The following GSE1 variants were observed in gnomAD, a reference collection of about 807,000 sequenced individuals.
The protein encoded by GSE1 is Gse1 coiled-coil protein.
In GSE1, 32 loss-of-function variants were observed where a neutral mutation model predicts 112.6. That is an observed-to-expected ratio of 0.28 (90% CI 0.21 to 0.38). The LOEUF is 0.38. Ranked by LOEUF, GSE1 falls within the 10% of genes least tolerant of loss-of-function variation. The pLI is 1.00. For synonymous variants in GSE1, 1,115 were observed against 735.6 expected, an observed-to-expected ratio of 1.52 and a Z score of -8.35; for missense variants, 2,348 against 1,699.2, an observed-to-expected ratio of 1.38 and a Z score of -6.71.
chr16:85,504,774 T>A (rs79116218), intron 2 of GSE1, among the ~76,000 whole-genome samples: 182 of 152,268 alleles, frequency 1.2e-3, no homozygotes, highest in African/African-American at 4.2e-3. Flanking sequence ...CATCTGGGAA[T>A]TTTTAATATC....
At chr16:85,185,780 G>T (rs530996823) in intron 1 of GSE1, among the ~76,000 whole-genome samples, 109 of 152,386 alleles carry the variant, frequency 7.2e-4, no homozygotes, top group African/African-American at 2.5e-3. Context: ...TGCCTCAGGG[G>T]CTCCGTGCTG....
At chr16:85,345,667 T>A (rs1404511673) in intron 1 of GSE1, among the ~76,000 whole-genome samples, 3 of 152,196 alleles carry the variant, frequency 2.0e-5, no homozygotes, top group African/African-American at 7.2e-5. Flanking sequence ...CTGTTTGTCC[T>A]TATGGCACTT....
Position 85,340,912 on chromosome 16 carries a change from G to C in GSE1, c.2284-16551G>C, listed in dbSNP as rs549841335. Among the ~76,000 whole-genome samples the C allele has an allele frequency of 1.1e-3, 169 of 152,284 alleles. 1 individual carries two copies. The highest frequency in any genetic ancestry group is 3.6e-3 in the African/African-American group (150 of 41,556). On this transcript the variant is annotated intron_variant, in intron 1 of 2. Coordinates refer to the GSE1 transcript ENST00000637419. ...GTCTAGGAGGTTTTGCAGCCTCTCT[G>C]AGCCTCTGCACGAGTTTCCTCATCT...
At chr16:85,385,032 C>G (rs1033386352) in intron 2 of GSE1, among the ~76,000 whole-genome samples, 18 of 152,244 alleles carry the variant, frequency 1.2e-4, no homozygotes, top group African/African-American at 1.4e-4. Flanking sequence ...GAAACACTTC[C>G]CATCATAAAA....
intron 1 of GSE1, among the ~76,000 whole-genome samples, chr16:85,179,600 C>T (rs189850821): frequency 3.3e-5 from 5 of 152,264 alleles, no homozygotes; most frequent in South Asian, 2.1e-4. Flanking sequence ...AGGCAAATGA[C>T]GTGATAGGGC....
intron 2 of GSE1, among the ~76,000 whole-genome samples, chr16:85,478,297 C>T (rs1039050530): frequency 1.4e-4 from 21 of 152,022 alleles, no homozygotes; most frequent in Non-Finnish European, 4.4e-5. Context: ...GAGGCCGAGG[C>T]GGGCAGATCA....
At chr16:85,363,678 C>G (rs1463545215) in intron 2 of GSE1, among the ~76,000 whole-genome samples, 1 of 152,216 alleles carries the variant, frequency 6.6e-6, no homozygotes, top group African/African-American at 2.4e-5. Context: ...CTGATTTTCC[C>G]ATGCTGTGCC....
chr16:85,392,704 A>G (rs2047870513), intron 2 of GSE1, among the ~76,000 whole-genome samples: 1 of 152,260 alleles, frequency 6.6e-6, no homozygotes, highest in South Asian at 2.1e-4. Flanking sequence ...TCTGTATCAC[A>G]GATGAGGAAA....
intron 1 of GSE1, among the ~76,000 whole-genome samples, chr16:85,615,623 C>T (rs2048325264): frequency 2.0e-5 from 3 of 152,132 alleles, no homozygotes; most frequent in South Asian, 4.1e-4. Context: ...GTCGGGAAGT[C>T]CTAGTTCTAG....
At position 85,636,544 on chromosome 16, in the gene GSE1, C is replaced by A. The variant is rs148924159; in HGVS notation, c.226+2412C>A. Reference sequence around the variant, plus strand: ...TGGAGTCACCCGGACCCTGACCTCACGTTTCCCCGTCCATGGAACTGGCCG... The same window carrying A: ...TGGAGTCACCCGGACCCTGACCTCAAGTTTCCCCGTCCATGGAACTGGCCG... On this transcript the variant is annotated intron_variant, in intron 2 of 15. Transcript: ENST00000253458. 7.4e-3 allele frequency among the ~76,000 whole-genome samples: 1,120 copies of A among 152,330 alleles called. 13 individuals are homozygous for A. Among genetic ancestry groups the A allele is most frequent in the South Asian group, 0.028 (135 of 4,826 alleles).
At chr16:85,330,392 T>G (rs747411472) in intron 1 of GSE1, among the ~76,000 whole-genome samples, 12 of 152,154 alleles carry the variant, frequency 7.9e-5, no homozygotes, top group Non-Finnish European at 1.2e-4. Context: ...GGTAACAGTC[T>G]CCCCTGGAGC....
At chr16:85,613,139 C>T (rs928405736), upstream of GSE1, 3 of 1,259,278 alleles carry the variant, frequency 2.4e-6, no homozygotes, top group Non-Finnish European at 3.1e-6. Flanking sequence ...TGAAACCCGA[C>T]ACCTCCCGCT....
intron 2 of GSE1, among the ~76,000 whole-genome samples, chr16:85,384,192 G>A (rs182952468): frequency 4.4e-4 from 67 of 152,370 alleles, no homozygotes; most frequent in African/African-American, 1.5e-3. Context: ...ACGGACAGGT[G>A]ACTGCCCAGC....
intron 2 of GSE1, among the ~76,000 whole-genome samples, chr16:85,488,645 C>T (rs1268743772): frequency 6.6e-6 from 1 of 152,098 alleles, no homozygotes; most frequent in Admixed American, 6.5e-5. Context: ...GCCTCAGGAA[C>T]AGTCTTTCCG....
At chr16:85,320,206 G>T (rs1045010464) in intron 1 of GSE1, among the ~76,000 whole-genome samples, 1 of 152,228 alleles carries the variant, frequency 6.6e-6, no homozygotes, top group Non-Finnish European at 1.5e-5. Flanking sequence ...GTGGGCAGCC[G>T]TGGCCCCACC....
At chr16:85,474,904 C>A (rs186645010) in intron 2 of GSE1, among the ~76,000 whole-genome samples, 1 of 152,116 alleles carries the variant, frequency 6.6e-6, no homozygotes, top group Non-Finnish European at 1.5e-5. Flanking sequence ...GGACAGACCC[C>A]GTGGTACTGA....
intron 2 of GSE1, among the ~76,000 whole-genome samples, chr16:85,519,045 C>T (rs2052049288): frequency 6.6e-6 from 1 of 152,212 alleles, no homozygotes; most frequent in Admixed American, 6.5e-5. Flanking sequence ...CTGCAGATCA[C>T]TTTGCATTTT....
intron 2 of GSE1, among the ~76,000 whole-genome samples, chr16:85,549,608 A>G (rs185719677): frequency 8.5e-5 from 13 of 152,286 alleles, no homozygotes; most frequent in African/African-American, 2.9e-4. Context: ...TGTGCCCTGT[A>G]GCTCCCACCA....
intron 1 of GSE1, among the ~76,000 whole-genome samples, chr16:85,268,777 G>C (rs983738576): frequency 1.3e-5 from 2 of 152,154 alleles, no homozygotes; most frequent in Non-Finnish European, 2.9e-5. Context: ...TTCCCTCTGT[G>C]CCCAGCCTCC....
Sources: gnomAD v4.1 joint callset for allele counts (sites outside exome capture counted in the v4.1 genomes callset) on GRCh38, gnomAD v4.1.1 for gene constraint, MANE v1.5 for transcripts, NCBI Gene and HGNC (gene_info 2026-07-23, HGNC 2026-07-21) for gene names.